Variants in SEPTIN9 observed in about 807,000 individuals in gnomAD.
SEPTIN9 encodes septin-9.
SEPTIN9 carries 13 observed loss-of-function variants against 56.6 expected under a neutral mutation model. The observed-to-expected ratio is 0.23, with a 90% CI of 0.15 to 0.37. The LOEUF is 0.37. SEPTIN9 is among the 10% of genes least tolerant of loss of function. The pLI is 1.00. For synonymous variants in SEPTIN9, 332 were observed against 334.1 expected (o/e 0.99, Z 0.07); for missense variants, 650 against 823.1 (o/e 0.79, Z 2.57).
At chr17:77,394,450 T>C (rs950521600) in intron 2 of SEPTIN9, among the ~76,000 whole-genome samples, 4 of 152,152 alleles carry the variant, frequency 2.6e-5, no homozygotes, top group African/African-American at 9.7e-5. Flanking sequence ...TAGCCAGTGT[T>C]TCTTCAGGGA....
In SEPTIN9 at chr17:77,319,754, G is replaced by T; in HGVS notation, c.76+12557G>T. On this transcript the variant is annotated intron_variant, in intron 2 of 11. Transcript: ENST00000427177. This position sits in a 1 kb window ranked among gnomAD's most constrained non-coding sequence, Gnocchi z 5.3. The stretch of plus-strand genomic sequence containing the variant: ...TTAAGCCCAAGGAAATCGTAGCATC[G>T]CGGGACAGGGAAAATGAAAGACTTT... The T allele has an allele frequency of 6.5e-6, 7 of 1,071,276 alleles. No homozygotes were observed. Among genetic ancestry groups the T allele is most frequent in the Non-Finnish European group, 7.9e-6 (7 of 882,298 alleles). The allele number at this position is 1,071,276 out of a possible 1,614,324, so 66.4% of individuals were successfully genotyped here.
In SEPTIN9 at chr17:77,330,310, G is replaced by A. The variant is rs906653399; in HGVS notation, c.76+23113G>A. 1.3e-5 allele frequency among the ~76,000 whole-genome samples: 2 copies of A among 152,300 alleles called. No homozygotes were observed. Among genetic ancestry groups the A allele is most frequent in the African/African-American group, 4.8e-5 (2 of 41,578 alleles). On this transcript the variant is annotated intron_variant, in intron 2 of 11. Coordinates refer to ENST00000427177, the MANE Select transcript of SEPTIN9 (RefSeq NM_001113491.2). The surrounding 1 kb of genome is among the most constrained non-coding windows in gnomAD (Gnocchi z 4.4). ...GAGCTGGTGTAGGAAGGAAGGTGCC[G>A]GGAGCCAGCTCCAATTCACGTGCTG...
chr17:77,283,098 G>A (rs1179995315), intron 1 of SEPTIN9, among the ~76,000 whole-genome samples: 4 of 151,414 alleles, frequency 2.6e-5, no homozygotes, highest in Non-Finnish European at 4.4e-5. Context: ...GAGGTGGGGA[G>A]ACCATCACTT....
At chr17:77,333,089 C>T (rs548188497) in intron 2 of SEPTIN9, among the ~76,000 whole-genome samples, 6 of 152,310 alleles carry the variant, frequency 3.9e-5, no homozygotes, top group African/African-American at 1.4e-4. Flanking sequence ...GCAATGGATA[C>T]GAGTTCTAGT....
intron 2 of SEPTIN9, among the ~76,000 whole-genome samples, chr17:77,336,693 T>C (rs750938569): frequency 2.0e-5 from 3 of 152,180 alleles, no homozygotes; most frequent in Non-Finnish European, 4.4e-5. Context: ...TACTTCTTTC[T>C]GATCTTGATG....
chr17:77,390,452 CTTT>C (rs1346255182), intron 2 of SEPTIN9, among the ~76,000 whole-genome samples: 1 of 115,060 alleles, frequency 8.7e-6, no homozygotes, highest in African/African-American at 3.9e-5. Flanking sequence ...GCACATTTCG[CTTT>C]TTTTTTTTTT....
intron 1 of SEPTIN9, among the ~76,000 whole-genome samples, chr17:77,305,372 C>T (rs1030612689): frequency 6.6e-6 from 1 of 151,964 alleles, no homozygotes; most frequent in South Asian, 2.1e-4. Flanking sequence ...TTGGGTGAAT[C>T]GGAGCTAAGG....
At chr17:77,473,479 C>A (rs1391580055) in intron 3 of SEPTIN9, among the ~76,000 whole-genome samples, 1 of 152,142 alleles carries the variant, frequency 6.6e-6, no homozygotes, top group Non-Finnish European at 1.5e-5. Flanking sequence ...ACGATCCTCC[C>A]GCCTCGGCCT....
intron 2 of SEPTIN9, among the ~76,000 whole-genome samples, chr17:77,325,858 A>G (rs1230355179): frequency 6.6e-6 from 1 of 152,082 alleles, no homozygotes; most frequent in East Asian, 1.9e-4. Flanking sequence ...CTGTGCCTCA[A>G]ACCCCTCCCA....
At chr17:77,493,859 G>A (rs2040144758) in intron 10 of SEPTIN9, among the ~76,000 whole-genome samples, 1 of 144,652 alleles carries the variant, frequency 6.9e-6, no homozygotes, top group South Asian at 2.2e-4. Flanking sequence ...TGCAACCTCT[G>A]CCTCCTGGGT....
intron 1 of SEPTIN9, among the ~76,000 whole-genome samples, chr17:77,305,226 G>A (rs928126984): frequency 6.6e-6 from 1 of 152,130 alleles, no homozygotes; most frequent in African/African-American, 2.4e-5. Context: ...GTGAGGTCAC[G>A]GACATGGCTG....
rs971776979 is a variant in SEPTIN9, at chr17:77,434,360, G to A, written c.721+31657G>A. ...GAGTTGGTAGGGTGGCCTGCCCGGCGTCCGCACAGGGTCTGCTGGTGGGTG... is the reference window on the plus strand; with the variant it reads ...GAGTTGGTAGGGTGGCCTGCCCGGCATCCGCACAGGGTCTGCTGGTGGGTG... On this transcript the variant is annotated intron_variant, in intron 3 of 11. Coordinates refer to ENST00000427177, the MANE Select transcript of SEPTIN9 (RefSeq NM_001113491.2). This position sits in a 1 kb window ranked among gnomAD's most constrained non-coding sequence, Gnocchi z 5.0. Among the ~76,000 whole-genome samples the A allele has an allele frequency of 6.6e-6, 1 of 152,210 alleles. No individual in the cohort carries two copies. Among genetic ancestry groups the A allele is most frequent in the African/African-American group, 2.4e-5 (1 of 41,452 alleles).
At position 77,482,228 on chromosome 17, in the gene SEPTIN9, A is replaced by G; in HGVS notation, c.806A>G (p.Asn269Ser). The part of the protein sequence containing the change: ...AGLKQAPASR[N>S]EKAPVDFGYV... ...CTCAAGCAGGCGCCTGCATCACGGA[A>G]CGAGAAGGCCCCGGTGGACTTCGGC... Residue 269 changes from asparagine to serine, a missense_variant, in exon 4 of 12, where the codon AAC (asparagine) becomes AGC (serine). Asn to Ser is a conservative substitution (Grantham distance 46, BLOSUM62 1). This residue lies in a region of SEPTIN9 where 333 missense variants were observed against 494.0 expected (regional missense o/e 0.67). Transcript: ENST00000427177. 6.2e-7 allele frequency: 1 copy of G among 1,612,950 alleles called. No homozygotes were observed. Among genetic ancestry groups the G allele is most frequent in the Non-Finnish European group, 8.5e-7 (1 of 1,179,840 alleles).
intron 2 of SEPTIN9, among the ~76,000 whole-genome samples, chr17:77,311,388 G>T (rs2032486427): frequency 6.6e-6 from 1 of 152,126 alleles, no homozygotes; most frequent in Non-Finnish European, 1.5e-5. Context: ...CCTCCCACCT[G>T]GCCGCTGTGG....
In SEPTIN9 at chr17:77,389,708, C is replaced by T. The variant is rs2035464436; in HGVS notation, c.77-12351C>T. On this transcript the variant is annotated intron_variant, in intron 2 of 11. Coordinates refer to ENST00000427177, the MANE Select transcript of SEPTIN9 (RefSeq NM_001113491.2). This position sits in a 1 kb window ranked among gnomAD's most constrained non-coding sequence, Gnocchi z 4.3. ...CCACCAGGGACGGAGGGTGGGCGGC[C>T]CTCCCACCCAGGCCCTGGCGGCCCC... Among the ~76,000 whole-genome samples the T allele has an allele frequency of 6.6e-6, 1 of 151,542 alleles. No individual in the cohort carries two copies. The highest frequency in any genetic ancestry group is 1.5e-5 in the Non-Finnish European group (1 of 67,882).
chr17:77,338,379 A>G (rs1487809480), intron 2 of SEPTIN9, among the ~76,000 whole-genome samples: 1 of 151,994 alleles, frequency 6.6e-6, no homozygotes, highest in Non-Finnish European at 1.5e-5. Flanking sequence ...GGTTGCTGAA[A>G]GTTGAAGGTA....
chr17:77,457,681 C>A (rs2038275054), intron 3 of SEPTIN9, among the ~76,000 whole-genome samples: 2 of 152,226 alleles, frequency 1.3e-5, no homozygotes, highest in African/African-American at 4.8e-5. Flanking sequence ...TTCCTTGTAA[C>A]TTGTTGAAGA....
In SEPTIN9 at chr17:77,449,234, G is replaced by A. The variant is rs1315004269; in HGVS notation, c.722-32910G>A. Among the ~76,000 whole-genome samples the A allele has an allele frequency of 6.6e-6, 1 of 152,190 alleles. No homozygotes were observed. The highest frequency in any genetic ancestry group is 2.4e-5 in the African/African-American group (1 of 41,446). ...TGCTGAGTGTGTGCTGAGCGGTAGAGAACTTTGAGAAGTGCTGAAGGACAG... is the reference window on the plus strand; with the variant it reads ...TGCTGAGTGTGTGCTGAGCGGTAGAAAACTTTGAGAAGTGCTGAAGGACAG... On this transcript the variant is annotated intron_variant, in intron 3 of 11. Transcript: ENST00000427177. The surrounding 1 kb of genome is among the most constrained non-coding windows in gnomAD (Gnocchi z 4.6).
At position 77,495,829 on chromosome 17, in the gene SEPTIN9, C is replaced by T. The variant is rs367891458; in HGVS notation, c.1574-1486C>T. Among the ~76,000 whole-genome samples, 23 of 152,346 alleles carry T rather than the reference C, an allele frequency of 1.5e-4. 3 individuals carry two copies. The highest frequency in any genetic ancestry group is 5.1e-4 in the African/African-American group (21 of 41,584). ...ACTTGAGGGCTGGGCAAGGTGGAGGCCCCGGCCCTGCCTGCTGGCCTACCA... is the reference window on the plus strand; with the variant it reads ...ACTTGAGGGCTGGGCAAGGTGGAGGTCCCGGCCCTGCCTGCTGGCCTACCA... On this transcript the variant is annotated intron_variant, in intron 10 of 11. Coordinates refer to ENST00000427177, the MANE Select transcript of SEPTIN9 (RefSeq NM_001113491.2).
Sources: gnomAD v4.1 joint callset for allele counts (sites outside exome capture counted in the v4.1 genomes callset) on GRCh38, gnomAD v4.1.1 for gene constraint, gnomAD v4.1.1 regional missense constraint, Gnocchi (gnomAD v3.1) non-coding constraint, MANE v1.5 for transcripts, NCBI Gene and HGNC (gene_info 2026-07-23, HGNC 2026-07-21) for gene names.